The following RNF152 variants were observed in gnomAD, a reference collection of about 807,000 sequenced individuals.
RNF152 encodes the protein ring finger protein 152, also known as E3 ubiquitin-protein ligase RNF152.
A neutral mutation model predicts 12.7 loss-of-function variants in RNF152; 11 were observed. The observed-to-expected ratio is 0.86, with a 90% confidence interval of 0.54 to 1.43. RNF152 has a LOEUF of 1.43. RNF152 is among the 40% of genes most tolerant of loss of function. The probability of loss-of-function intolerance (pLI) is 0.00; values close to 1 mark genes in which losing one functional copy is unlikely to be tolerated. For synonymous variants in RNF152, 113 were observed against 120.3 expected (o/e 0.94, Z 0.40); for missense variants, 255 against 274.8 (o/e 0.93, Z 0.51).
rs560190341 is a variant in RNF152, at chr18:61,873,735, T to C, written c.-136+19060A>G. On this transcript the variant is annotated intron_variant, in intron 1 of 1. Transcript: ENST00000312828. ...CTGCCCACATAGTGAACTCTAATTG[T>C]TCAAAAGTCCGTTATGAACATCAGT... Among the ~76,000 whole-genome samples, 24 of 152,360 alleles carry C rather than the reference T, an allele frequency of 1.6e-4. 1 individual carries two copies. The South Asian group carries it at 4.6e-3, about 29-fold the overall frequency.
At chr18:61,843,394 GT>G (rs1411237464) in intron 1 of RNF152, among the ~76,000 whole-genome samples, 1 of 152,156 alleles carries the variant, frequency 6.6e-6, no homozygotes, top group Middle Eastern at 3.2e-3. Context: ...CAGTATGTCA[GT>G]TCCTCAAAAA....
intron 1 of RNF152, among the ~76,000 whole-genome samples, chr18:61,882,112 A>G (rs1912490184): frequency 6.6e-6 from 1 of 152,250 alleles, no homozygotes; most frequent in Non-Finnish European, 1.5e-5. Context: ...GGAAATTCTC[A>G]TTGGAGAATT....
rs540845005 is a variant in RNF152 at position 61,865,628 on chromosome 18, C to T, written c.-136+27167G>A. Among the ~76,000 whole-genome samples the T allele has an allele frequency of 5.9e-5, 9 of 152,240 alleles. No homozygotes were observed. In the South Asian group the frequency reaches 1.7e-3, roughly 28 times the overall value. ...TAATCCCCTGCTAGCAGCTTCCATC[C>T]CGTTGTGGAATTTAGTTTAGAGTCT... On this transcript the variant is annotated intron_variant, in intron 1 of 1. Transcript: ENST00000312828.
rs534042979 is a variant in RNF152 at position 61,816,529 on chromosome 18, C to T, written c.-66G>A. On this transcript the variant is annotated 5_prime_UTR_variant, in exon 2 of 2. Coordinates refer to ENST00000312828, the MANE Select transcript of RNF152 (RefSeq NM_173557.3). Reference sequence around the variant, plus strand: ...GAAGGAGCTGCTTCTCAGAGGCCACCGCCCTGTGTCTTTGCAGTGCAGGTA... The same window carrying T: ...GAAGGAGCTGCTTCTCAGAGGCCACTGCCCTGTGTCTTTGCAGTGCAGGTA... 5.2e-6 allele frequency: 8 copies of T among 1,533,146 alleles called. No homozygotes were observed. Among genetic ancestry groups the T allele is most frequent in the South Asian group, 2.5e-5 (2 of 78,980 alleles). 95.0% of individuals were successfully genotyped at this position (1,533,146 alleles called of 1,614,324 possible).
chr18:61,828,076 C>T (rs1433549397), intron 1 of RNF152, among the ~76,000 whole-genome samples: 1 of 152,128 alleles, frequency 6.6e-6, no homozygotes, highest in African/African-American at 2.4e-5. Flanking sequence ...ACAGTTCAAC[C>T]AGTTTTGACA....
At chr18:61,817,537 C>A (rs549911803) in intron 1 of RNF152, among the ~76,000 whole-genome samples, 1 of 152,248 alleles carries the variant, frequency 6.6e-6, no homozygotes, top group Non-Finnish European at 1.5e-5. Context: ...TGCAAAGCCC[C>A]TGTATACCGA....
chr18:61,831,947 G>T (rs1453002896), intron 1 of RNF152, among the ~76,000 whole-genome samples: 6 of 151,956 alleles, frequency 3.9e-5, no homozygotes, highest in Non-Finnish European at 1.5e-5. Flanking sequence ...GTGTATAGGG[G>T]TGTGTGTCTT....
intron 1 of RNF152, among the ~76,000 whole-genome samples, chr18:61,833,085 T>G (rs1183627560): frequency 6.6e-6 from 1 of 152,234 alleles, no homozygotes; most frequent in East Asian, 1.9e-4. Flanking sequence ...CTGTATCTAC[T>G]AAAATTCACT....
chr18:61,816,123 G>A lies in RNF152; in HGVS notation c.341C>T (p.Pro114Leu). 6.2e-7 allele frequency: 1 copy of A among 1,614,202 alleles called. No homozygotes were observed. The highest frequency in any genetic ancestry group is 8.5e-7 in the Non-Finnish European group (1 of 1,180,030). Reference protein sequence around the residue: ...LPISKERALLPGDMGCRLLPG... With the variant: ...LPISKERALLLGDMGCRLLPG... ...CAGCAGGCGGCAGCCCATGTCTCCG[G>A]GCAGCAGCGCACGCTCCTTGGAGAT... Residue 114 changes from proline to leucine, a missense_variant, in exon 2 of 2, where the codon CCC (proline) becomes CTC (leucine). By Grantham distance (98) the Pro-to-Leu change is moderately conservative. Transcript: ENST00000312828.
intron 1 of RNF152, among the ~76,000 whole-genome samples, chr18:61,845,230 C>T (rs1186756478): frequency 6.6e-6 from 1 of 152,214 alleles, no homozygotes; most frequent in Non-Finnish European, 1.5e-5. Context: ...GGATAATAGG[C>T]GTAAGCCACT....
At chr18:61,849,781 G>T (rs1910890760) in intron 1 of RNF152, among the ~76,000 whole-genome samples, 1 of 152,108 alleles carries the variant, frequency 6.6e-6, no homozygotes, top group East Asian at 1.9e-4. Context: ...TGCCCAGGCT[G>T]GTCTTGAACT....
At chr18:61,839,443 G>A (rs987064497) in intron 1 of RNF152, among the ~76,000 whole-genome samples, 6 of 152,174 alleles carry the variant, frequency 3.9e-5, no homozygotes, top group African/African-American at 1.4e-4. Flanking sequence ...CTCATGAATG[G>A]ATTCAGGTTT....
chr18:61,860,432 A>C (rs1419941145), intron 1 of RNF152, among the ~76,000 whole-genome samples: 1 of 152,246 alleles, frequency 6.6e-6, no homozygotes, highest in Non-Finnish European at 1.5e-5. Context: ...ATAAGATTAT[A>C]ATGGAGCTGG....
intron 1 of RNF152, among the ~76,000 whole-genome samples, chr18:61,862,955 G>A (rs1911556099): frequency 6.6e-6 from 1 of 152,032 alleles, no homozygotes; most frequent in Non-Finnish European, 1.5e-5. Flanking sequence ...ATACTCAGCT[G>A]GTGTCTCTAC....
intron 1 of RNF152, among the ~76,000 whole-genome samples, chr18:61,825,651 G>A (rs1909625479): frequency 6.6e-6 from 1 of 152,104 alleles, no homozygotes; most frequent in Non-Finnish European, 1.5e-5. Flanking sequence ...GGAGGTGAAG[G>A]GAGGGTTTGA....
chr18:61,855,764 C>T (rs1292716202), intron 1 of RNF152, among the ~76,000 whole-genome samples: 5 of 152,292 alleles, frequency 3.3e-5, no homozygotes, highest in South Asian at 2.1e-4. Flanking sequence ...ATGAACTGAG[C>T]GCAGCTAGCC....
chr18:61,863,061 GA>G lies in RNF152; in HGVS notation c.-136+29733del, dbSNP rs577176507. Among the ~76,000 whole-genome samples the G allele has an allele frequency of 2.6e-5, 4 of 152,268 alleles. No individual in the cohort carries two copies. In the South Asian group the frequency reaches 8.3e-4, roughly 32 times the overall value. On this transcript the variant is annotated intron_variant, in intron 1 of 1. Coordinates refer to ENST00000312828, the MANE Select transcript of RNF152 (RefSeq NM_173557.3). ...AATACTATCTTAAAAAAATTTTGAA[GA>G]CAGGTTAACCAAAGGTTCTGGCAGC... is the stretch of plus-strand genomic sequence containing the variant.
intron 1 of RNF152, among the ~76,000 whole-genome samples, chr18:61,852,962 C>T (rs912853978): frequency 1.3e-5 from 2 of 152,108 alleles, no homozygotes; most frequent in Non-Finnish European, 2.9e-5. Context: ...TCCTGGTCTT[C>T]CTGACTTATT....
chr18:61,816,530 G>C lies in RNF152; in HGVS notation c.-67C>G. The C allele has an allele frequency of 1.3e-6, 2 of 1,532,080 alleles. No homozygotes were observed. The highest frequency in any genetic ancestry group is 3.8e-5 in the Admixed American group (2 of 52,880). The allele number at this position is 1,532,080 out of a possible 1,614,324, so 94.9% of individuals were successfully genotyped here. A position where few individuals can be genotyped will look rare whatever the true frequency, so the allele number is the denominator to read the frequency against. ...AAGGAGCTGCTTCTCAGAGGCCACCGCCCTGTGTCTTTGCAGTGCAGGTAA... is the reference window on the plus strand; with the variant it reads ...AAGGAGCTGCTTCTCAGAGGCCACCCCCCTGTGTCTTTGCAGTGCAGGTAA... On this transcript the variant is annotated 5_prime_UTR_variant, in exon 2 of 2. Transcript: ENST00000312828.
Sources: gnomAD v4.1 joint callset for allele counts (sites outside exome capture counted in the v4.1 genomes callset) on GRCh38, gnomAD v4.1.1 for gene constraint, MANE v1.5 for transcripts, NCBI Gene and HGNC (gene_info 2026-07-23, HGNC 2026-07-21) for gene names.